PEAK1: variants seen among roughly 807,000 people sequenced by gnomAD.
The protein encoded by PEAK1 is inactive tyrosine-protein kinase PEAK1.
PEAK1 carries 54 observed loss-of-function variants against 124.7 expected under a neutral mutation model. The ratio of observed to expected loss-of-function variants is 0.43; its 90% CI spans 0.35 to 0.54. The LOEUF (loss-of-function observed/expected upper bound fraction) is 0.54. Among genes scored for constraint, PEAK1 ranks in the 20% least tolerant of loss-of-function variants. PEAK1 has a pLI of 0.01. For synonymous variants in PEAK1, 719 were observed against 760.0 expected (o/e 0.95, Z 0.89); for missense variants, 2,046 against 2,134.5 (o/e 0.96, Z 0.82).
At chr15:77,149,096 C>T (rs2054383490) in intron 8 of PEAK1, among the ~76,000 whole-genome samples, 1 of 152,150 alleles carries the variant, frequency 6.6e-6, no homozygotes, top group African/African-American at 2.4e-5. Flanking sequence ...GAAATTGAAG[C>T]TCAGGGATGT....
chr15:77,393,090 G>C (rs749718504), intron 1 of PEAK1, among the ~76,000 whole-genome samples: 1 of 152,222 alleles, frequency 6.6e-6, no homozygotes, highest in Non-Finnish European at 1.5e-5. Context: ...GCCCTAGCCA[G>C]AGGAGAATTG....
intron 1 of PEAK1, among the ~76,000 whole-genome samples, chr15:77,408,110 T>C (rs2072051103): frequency 1.3e-5 from 2 of 148,490 alleles, no homozygotes; most frequent in African/African-American, 5.0e-5. Flanking sequence ...TATATACATA[T>C]ATACACATAT....
At chr15:77,337,801 T>C (rs377544880) in intron 2 of PEAK1, 3 of 985,284 alleles carry the variant, frequency 3.0e-6, no homozygotes, top group East Asian at 1.1e-4. Context: ...GAAGACAGAA[T>C]GGAAAACGCT....
intron 6 of PEAK1, among the ~76,000 whole-genome samples, chr15:77,226,061 A>ATATATATATATATATATG (rs2059645220): frequency 1.1e-5 from 1 of 90,582 alleles, no homozygotes; most frequent in African/African-American, 3.5e-5. Flanking sequence ...ATATATATAT[A>ATATATATATATATATATG]TATATATATA....
chr15:77,203,358 G>A (rs935035447), intron 6 of PEAK1, among the ~76,000 whole-genome samples: 3 of 152,170 alleles, frequency 2.0e-5, no homozygotes, highest in Admixed American at 6.5e-5. Context: ...AATAGTAGCT[G>A]TGAAAATTTA....
intron 6 of PEAK1, among the ~76,000 whole-genome samples, chr15:77,212,938 T>C (rs1448754330): frequency 1.3e-5 from 2 of 152,138 alleles, no homozygotes; most frequent in African/African-American, 4.8e-5. Flanking sequence ...TAAAGTTCAG[T>C]GTTAGCAAAA....
intron 5 of PEAK1, chr15:77,255,403 A>C: frequency 1.0e-6 from 1 of 981,838 alleles, no homozygotes; most frequent in Non-Finnish European, 1.2e-6. Flanking sequence ...TTCATATTTG[A>C]AAACAAAAGT....
intron 1 of PEAK1, among the ~76,000 whole-genome samples, chr15:77,412,739 A>T (rs1341767134): frequency 6.6e-6 from 1 of 152,124 alleles, no homozygotes; most frequent in Non-Finnish European, 1.5e-5. Flanking sequence ...CAATGAAAGG[A>T]ACCAAGGTTC....
chr15:77,280,564 C>CTT (rs71447149), intron 5 of PEAK1, among the ~76,000 whole-genome samples: 2 of 138,680 alleles, frequency 1.4e-5, no homozygotes, highest in Non-Finnish European at 3.1e-5. Flanking sequence ...AAATGATTTC[C>CTT]TTTTTTTTTT....
intron 2 of PEAK1, among the ~76,000 whole-genome samples, chr15:77,327,791 A>T (rs1041624570): frequency 1.3e-5 from 2 of 152,126 alleles, no homozygotes; most frequent in South Asian, 4.1e-4. Flanking sequence ...GGGGGAAAAA[A>T]TGCAACGTTA....
chr15:77,337,619 C>T (rs1567276673), intron 2 of PEAK1: 30 of 985,238 alleles, frequency 3.0e-5, no homozygotes, highest in Non-Finnish European at 3.5e-5. Flanking sequence ...AAACCTTTAC[C>T]ATGGATTAAT....
At position 77,337,929 on chromosome 15, in the gene PEAK1, G is replaced by A. The variant is rs185300881; in HGVS notation, c.-603+27234C>T. 28 of 984,226 alleles carry A rather than the reference G, an allele frequency of 2.8e-5. No homozygotes were observed. The African/African-American group carries it at 3.8e-4, about 13-fold the overall frequency. The allele number at this position is 984,226 out of a possible 1,614,324, so 61.0% of individuals were successfully genotyped here. Reference sequence around the variant, plus strand: ...CAGCTAAATCTGTCAATAATTTGGGGGTGCTGATAGAAAAAAATAATCTGA... The same window carrying A: ...CAGCTAAATCTGTCAATAATTTGGGAGTGCTGATAGAAAAAAATAATCTGA... On this transcript the variant is annotated intron_variant, in intron 2 of 9. Coordinates refer to ENST00000682557, the MANE Select transcript of PEAK1 (RefSeq NM_001385026.1).
intron 1 of PEAK1, chr15:77,419,501 C>A (rs1475175757): frequency 4.9e-5 from 48 of 985,356 alleles, no homozygotes; most frequent in Non-Finnish European, 5.8e-5. Flanking sequence ...AGGGAGCCAC[C>A]CGGCTCCGTC....
At chr15:77,277,252 T>C (rs569193743) in intron 5 of PEAK1, among the ~76,000 whole-genome samples, 1 of 152,316 alleles carries the variant, frequency 6.6e-6, no homozygotes, top group South Asian at 2.1e-4. Flanking sequence ...ATTCCATTTA[T>C]ATAACATTCT....
chr15:77,351,601 G>T, intron 2 of PEAK1: 1 of 600,222 alleles, frequency 1.7e-6, no homozygotes, highest in Non-Finnish European at 2.1e-6. Context: ...GTATGCTCAG[G>T]CCCACTCCCA....
rs1046255615 is a variant in PEAK1 at position 77,262,694 on chromosome 15, C to T, written c.-274-10168G>A. Among the ~76,000 whole-genome samples, 6 of 151,924 alleles carry T rather than the reference C, an allele frequency of 3.9e-5. 1 individual carries two copies. The highest frequency in any genetic ancestry group is 1.2e-4 in the African/African-American group (5 of 41,322). On this transcript the variant is annotated intron_variant, in intron 5 of 9. Coordinates refer to ENST00000682557, the MANE Select transcript of PEAK1 (RefSeq NM_001385026.1). ...CCACAGACAACATTAGACAGACCAA[C>T]GAGACAGAAAGTTAACAAGGATACG...
At chr15:77,303,130 A>C (rs927847814) in intron 2 of PEAK1, among the ~76,000 whole-genome samples, 13 of 152,322 alleles carry the variant, frequency 8.5e-5, no homozygotes, top group African/African-American at 3.1e-4. Flanking sequence ...ATTTCGCTAT[A>C]TGAATGTACC....
chr15:77,141,830 C>T (rs141378502), intron 8 of PEAK1, among the ~76,000 whole-genome samples: 3 of 152,094 alleles, frequency 2.0e-5, no homozygotes, highest in Admixed American at 6.5e-5. Flanking sequence ...ACACTATACA[C>T]AAAAATTAAC....
At chr15:77,235,741 A>G (rs2060092297) in intron 6 of PEAK1, among the ~76,000 whole-genome samples, 3 of 152,196 alleles carry the variant, frequency 2.0e-5, no homozygotes, top group Admixed American at 6.5e-5. Context: ...AGCCCCTCTC[A>G]TCACAGGCCT....
Sources: gnomAD v4.1 joint callset for allele counts (sites outside exome capture counted in the v4.1 genomes callset) on GRCh38, gnomAD v4.1.1 for gene constraint, MANE v1.5 for transcripts, NCBI Gene and HGNC (gene_info 2026-07-23, HGNC 2026-07-21) for gene names.